Variants in GRM8 observed in about 807,000 individuals in gnomAD.
GRM8 encodes the protein glutamate metabotropic receptor 8, also known as metabotropic glutamate receptor 8.
Under a neutral mutation model 87.2 loss-of-function variants are expected in GRM8, and 47 were observed. That is an observed-to-expected ratio of 0.54 (90% CI 0.43 to 0.69). GRM8 has a LOEUF of 0.69. GRM8 is among the 30% of genes least tolerant of loss of function. GRM8 has a pLI of 0.00. For synonymous variants in GRM8, 396 were observed against 404.5 expected (o/e 0.98, Z 0.25); for missense variants, 1,019 against 1,139.2 (o/e 0.89, Z 1.52).
intron 9 of GRM8, among the ~76,000 whole-genome samples, chr7:126,524,201 T>C (rs527474290): frequency 2.9e-4 from 44 of 152,344 alleles, no homozygotes; most frequent in African/African-American, 1.1e-3. Flanking sequence ...TTCTGGATCA[T>C]ATGTGATTGC....
rs370744572 is a variant in GRM8 at position 126,808,716 on chromosome 7, T to A, written c.1157-38651A>T. Among the ~76,000 whole-genome samples the A allele has an allele frequency of 6.6e-5, 10 of 152,228 alleles. No individual in the cohort carries two copies. The East Asian group carries it at 1.2e-3, about 18-fold the overall frequency. On this transcript the variant is annotated intron_variant, in intron 6 of 10. Coordinates refer to ENST00000339582, the MANE Select transcript of GRM8 (RefSeq NM_000845.3). ...TGTGATAAAATCCCTGAAATTTTAATAGGAAGTGACTTACTTTGCAAATTA... is the reference window on the plus strand; with the variant it reads ...TGTGATAAAATCCCTGAAATTTTAAAAGGAAGTGACTTACTTTGCAAATTA...
At chr7:126,825,136 C>T (rs950648635) in intron 6 of GRM8, among the ~76,000 whole-genome samples, 6 of 152,202 alleles carry the variant, frequency 3.9e-5, no homozygotes, top group South Asian at 2.1e-4. Context: ...GGGGTGACCT[C>T]GGCTCACTGC....
At chr7:127,072,340 G>A (rs575440432) in intron 3 of GRM8, among the ~76,000 whole-genome samples, 4 of 152,194 alleles carry the variant, frequency 2.6e-5, no homozygotes, top group African/African-American at 7.2e-5. Context: ...TCTTATGTGC[G>A]CCCCTCTTCC....
At chr7:126,788,911 C>G (rs1402855589) in intron 6 of GRM8, among the ~76,000 whole-genome samples, 1 of 151,934 alleles carries the variant, frequency 6.6e-6, no homozygotes, top group African/African-American at 2.4e-5. Flanking sequence ...TTTCATATTG[C>G]TCAGAGTGTA....
intron 6 of GRM8, among the ~76,000 whole-genome samples, chr7:126,825,806 G>A (rs1336575586): frequency 6.6e-6 from 1 of 151,852 alleles, no homozygotes; most frequent in Non-Finnish European, 1.5e-5. Flanking sequence ...TGCCATGCTG[G>A]TGTGCTGCAC....
At chr7:127,164,434 G>T (rs2116254477) in intron 2 of GRM8, among the ~76,000 whole-genome samples, 1 of 152,282 alleles carries the variant, frequency 6.6e-6, no homozygotes, top group East Asian at 1.9e-4. Flanking sequence ...TGATGTGTTT[G>T]TGGTCCTTTC....
intron 3 of GRM8, among the ~76,000 whole-genome samples, chr7:127,059,497 C>T (rs1820402388): frequency 6.6e-6 from 1 of 151,936 alleles, no homozygotes; most frequent in African/African-American, 2.4e-5. Context: ...CCACCACACC[C>T]AGCTAATTTT....
chr7:127,228,969 T>A (rs996702329), intron 2 of GRM8: 5 of 152,212 alleles, frequency 3.3e-5, no homozygotes, highest in Admixed American at 6.5e-5. Context: ...TAACATTTTT[T>A]AAAAATAAGG....
chr7:126,669,635 C>T (rs907509748), intron 7 of GRM8, among the ~76,000 whole-genome samples: 2 of 152,166 alleles, frequency 1.3e-5, no homozygotes, highest in African/African-American at 4.8e-5. Flanking sequence ...ACTAACTATG[C>T]CCCTTATTAT....
At chr7:126,470,277 G>T (rs6976241) in intron 9 of GRM8, among the ~76,000 whole-genome samples, 93,642 of 150,656 alleles carry the variant, frequency 0.62, 29,815 homozygotes, top group African/African-American at 0.77. Flanking sequence ...GCCATGCTGG[G>T]GTGCTGCACC....
At chr7:126,720,525 T>C (rs1288212221) in intron 7 of GRM8, among the ~76,000 whole-genome samples, 1 of 152,160 alleles carries the variant, frequency 6.6e-6, no homozygotes, top group Non-Finnish European at 1.5e-5. Context: ...GTGAATATAA[T>C]GAAAGCAAAA....
At chr7:126,534,054 A>C (rs1204978818) in intron 8 of GRM8, 167 bp from the exon 9 acceptor site, 1 of 608,396 alleles carries the variant, frequency 1.6e-6, no homozygotes, top group Non-Finnish European at 2.9e-6. Flanking sequence ...TGAAAGTGTT[A>C]AGTGACTGGA....
chr7:127,186,198 A>C (rs1162774771), intron 2 of GRM8, among the ~76,000 whole-genome samples: 3 of 152,192 alleles, frequency 2.0e-5, no homozygotes, highest in Non-Finnish European at 2.9e-5. Flanking sequence ...TTGTAAATCA[A>C]ATATATTTAA....
At chr7:126,727,874 C>T (rs979810560) in intron 7 of GRM8, among the ~76,000 whole-genome samples, 5 of 152,104 alleles carry the variant, frequency 3.3e-5, no homozygotes, top group African/African-American at 1.2e-4. Flanking sequence ...TTACAGCCAG[C>T]TGGGATGTGT....
At chr7:127,028,380 A>G (rs979633101) in intron 3 of GRM8, among the ~76,000 whole-genome samples, 6 of 151,986 alleles carry the variant, frequency 3.9e-5, no homozygotes, top group African/African-American at 1.2e-4. Flanking sequence ...CTCTTTTTCT[A>G]TTGATTGGAA....
At chr7:127,140,287 A>G (rs1462817026) in intron 2 of GRM8, among the ~76,000 whole-genome samples, 2 of 152,086 alleles carry the variant, frequency 1.3e-5, no homozygotes, top group East Asian at 3.9e-4. Context: ...ATTAGACAGT[A>G]GCAAACCCTG....
rs1373726360 is a variant in GRM8, at chr7:126,525,943, A to ATAC, written c.2430+7008_2430+7009insGTA. On this transcript the variant is annotated intron_variant, in intron 9 of 10. Transcript: ENST00000339582. Reference sequence around the variant, plus strand: ...TAAATCTGTTTCGAATTTATTTTAGATAGCCCGGAATATATATTAATACTT... The same window carrying ATAC: ...TAAATCTGTTTCGAATTTATTTTAGATACTAGCCCGGAATATATATTAATACTT... Among the ~76,000 whole-genome samples the ATAC allele has an allele frequency of 4.6e-5, 7 of 152,308 alleles. No homozygotes were observed. The East Asian group carries it at 1.3e-3, about 29-fold the overall frequency.
At chr7:127,039,270 C>T (rs930175050) in intron 3 of GRM8, among the ~76,000 whole-genome samples, 2 of 151,978 alleles carry the variant, frequency 1.3e-5, no homozygotes, top group Non-Finnish European at 2.9e-5. Context: ...TTATGACGGG[C>T]CCAGTCCAAT....
chr7:126,973,175 C>T (rs942397013), intron 3 of GRM8, among the ~76,000 whole-genome samples: 7 of 152,174 alleles, frequency 4.6e-5, no homozygotes, highest in African/African-American at 1.4e-4. Context: ...CTGGGCCCCA[C>T]TCTCAGAGTT....
Sources: allele counts gnomAD v4.1 joint callset (sites outside exome capture counted in the v4.1 genomes callset), GRCh38; gene constraint gnomAD v4.1.1; transcripts MANE v1.5; gene names NCBI Gene and HGNC (gene_info 2026-07-23, HGNC 2026-07-21).